The following NTRK3 variants were observed in gnomAD, a reference collection of about 807,000 sequenced individuals.
The protein encoded by NTRK3 is neurotrophic receptor tyrosine kinase 3, also known as NT-3 growth factor receptor.
In NTRK3, 24 loss-of-function variants were observed where a neutral mutation model predicts 91.7. The observed-to-expected ratio is 0.26, with a 90% CI of 0.19 to 0.37. NTRK3 has a LOEUF of 0.37. NTRK3 is among the 10% of genes least tolerant of loss of function. The pLI is 1.00. For missense variants in NTRK3, 880 were observed against 1,068.9 expected (o/e 0.82, Z 2.46); for synonymous variants, 483 against 404.0 (o/e 1.20, Z -2.34).
chr15:87,878,720 AAGCCTGCCT>A (rs1176936284), intron 18 of NTRK3, among the ~76,000 whole-genome samples: 3 of 152,242 alleles, frequency 2.0e-5, no homozygotes, highest in Non-Finnish European at 4.4e-5. Context: ...TGAGGGCAGA[AAGCCTGCCT>A]TTAAGGCCAA....
intron 13 of NTRK3, among the ~76,000 whole-genome samples, chr15:88,053,550 G>A (rs776153197): frequency 6.6e-6 from 1 of 152,198 alleles, no homozygotes; most frequent in Non-Finnish European, 1.5e-5. Flanking sequence ...CCATAGGTAC[G>A]TTGGTCAGGG....
intron 3 of NTRK3, among the ~76,000 whole-genome samples, chr15:88,221,349 CTGA>C (rs1159802440): frequency 6.6e-6 from 1 of 152,090 alleles, no homozygotes; most frequent in Non-Finnish European, 1.5e-5. Context: ...TAGGTATTTG[CTGA>C]TGTCATTACA....
At chr15:88,085,304 T>A (rs1597214930) in intron 13 of NTRK3, among the ~76,000 whole-genome samples, 1 of 152,212 alleles carries the variant, frequency 6.6e-6, no homozygotes, top group African/African-American at 2.4e-5. Flanking sequence ...CCCCTCCATG[T>A]CTCTGCCCCA....
exon 19 of NTRK3, chr15:87,861,192 G>GCT (rs1290264854): frequency 7.2e-5 from 16 of 221,480 alleles, no homozygotes; most frequent in Non-Finnish European, 1.3e-4. Flanking sequence ...GATCAGACAA[G>GCT]ATATAATAGC....
intron 14 of NTRK3, among the ~76,000 whole-genome samples, chr15:87,954,254 G>A (rs2071450859): frequency 6.6e-6 from 1 of 152,074 alleles, no homozygotes. Context: ...GGGGATATAT[G>A]TGAGATGAGA....
intron 13 of NTRK3, among the ~76,000 whole-genome samples, chr15:88,095,495 A>G (rs1399495124): frequency 6.6e-6 from 1 of 152,218 alleles, no homozygotes; most frequent in South Asian, 2.1e-4. Context: ...GCTTGGAGTC[A>G]GAAGGAGGAA....
At chr15:87,931,735 A>C (rs1394357191) in intron 16 of NTRK3, among the ~76,000 whole-genome samples, 1 of 152,228 alleles carries the variant, frequency 6.6e-6, no homozygotes, top group Non-Finnish European at 1.5e-5. Context: ...CTGACTCATA[A>C]GCAGAGCTCC....
At chr15:88,214,402 G>A (rs59751678) in intron 3 of NTRK3, among the ~76,000 whole-genome samples, 2 of 152,124 alleles carry the variant, frequency 1.3e-5, no homozygotes, top group East Asian at 3.9e-4. Context: ...CTCCCTCTGC[G>A]TGTGGCTGGG....
At chr15:88,092,819 C>A (rs1353923166) in intron 13 of NTRK3, among the ~76,000 whole-genome samples, 1 of 152,226 alleles carries the variant, frequency 6.6e-6, no homozygotes, top group Non-Finnish European at 1.5e-5. Context: ...CAAATCCCTG[C>A]ATCTCTGTCT....
rs76473893 is a variant in NTRK3 at position 88,181,609 on chromosome 15, C to T, written c.395+1809G>A. Among the ~76,000 whole-genome samples, 1,053 of 152,324 alleles carry T rather than the reference C, an allele frequency of 6.9e-3. 8 individuals are homozygous for T. The highest frequency in any genetic ancestry group is 0.024 in the African/African-American group (989 of 41,560). On this transcript the variant is annotated intron_variant, in intron 5 of 18. Transcript: ENST00000394480. ...ATCAACAGCATCCCTCCCCCAAATA[C>T]GACCTCGCACCACAAGCTGGCACTC...
chr15:87,931,361 A>G (rs1176891248), intron 16 of NTRK3: 1 of 363,444 alleles, frequency 2.8e-6, no homozygotes, highest in African/African-American at 2.1e-5. Flanking sequence ...AGAAGCTACC[A>G]TGGTTCACAA....
chr15:88,037,528 A>G (rs1176465941), intron 13 of NTRK3, among the ~76,000 whole-genome samples: 2 of 152,156 alleles, frequency 1.3e-5, no homozygotes, highest in African/African-American at 2.4e-5. Flanking sequence ...CACCCACTGC[A>G]CTCTAGCCTG....
intron 17 of NTRK3, among the ~76,000 whole-genome samples, chr15:87,882,773 T>G (rs938070115): frequency 1.3e-5 from 2 of 152,052 alleles, no homozygotes; most frequent in Non-Finnish European, 2.9e-5. Context: ...AGAATAGAAA[T>G]AGTACATATA....
chr15:88,204,389 T>C (rs1325543670), intron 3 of NTRK3, among the ~76,000 whole-genome samples: 1 of 70,018 alleles, frequency 1.4e-5, no homozygotes, highest in Non-Finnish European at 3.0e-5. Flanking sequence ...AACAAGCCAC[T>C]GTCTATAAAA....
intron 13 of NTRK3, among the ~76,000 whole-genome samples, chr15:88,044,803 C>T (rs1001773241): frequency 2.6e-5 from 4 of 152,156 alleles, no homozygotes; most frequent in African/African-American, 9.7e-5. Flanking sequence ...CTCAGCTCAC[C>T]CTGGGCTTGA....
chr15:88,163,465 C>T (rs2044652315), intron 5 of NTRK3, among the ~76,000 whole-genome samples: 1 of 152,224 alleles, frequency 6.6e-6, no homozygotes, highest in Non-Finnish European at 1.5e-5. Context: ...CACATGCTCC[C>T]AGAGCATTTC....
At chr15:88,057,155 C>A (rs1426243908) in intron 13 of NTRK3, among the ~76,000 whole-genome samples, 1 of 134,884 alleles carries the variant, frequency 7.4e-6, no homozygotes. Context: ...GGCGACAGAG[C>A]GAAACTCCGT....
intron 3 of NTRK3, among the ~76,000 whole-genome samples, chr15:88,192,788 T>C (rs2047516692): frequency 1.3e-5 from 2 of 151,888 alleles, no homozygotes; most frequent in East Asian, 1.9e-4. Context: ...CACTCATCCC[T>C]GGCTTCTTTC....
Position 88,233,439 on chromosome 15 carries a change from T to G in NTRK3, c.248+22467A>C, listed in dbSNP as rs547588989. ...CAGCCTGCAGGCTCTTTAAGCATCC[T>G]GGGGAGAAGTGGCACCCCACGAAAG... On this transcript the variant is annotated intron_variant, in intron 3 of 18. Coordinates refer to ENST00000394480, the Ensembl canonical transcript of NTRK3. This position sits in a 1 kb window ranked among gnomAD's most constrained non-coding sequence, Gnocchi z 4.2. Among the ~76,000 whole-genome samples, 103 of 152,170 alleles carry G rather than the reference T, an allele frequency of 6.8e-4. No individual in the cohort carries two copies. The highest frequency in any genetic ancestry group is 1.9e-3 in the South Asian group (9 of 4,818).
Sources: allele counts gnomAD v4.1 joint callset (sites outside exome capture counted in the v4.1 genomes callset), GRCh38; gene constraint gnomAD v4.1.1; non-coding constraint Gnocchi (gnomAD v3.1); transcripts MANE v1.5; gene names NCBI Gene and HGNC (gene_info 2026-07-23, HGNC 2026-07-21).